Variants in TENM4 observed in about 807,000 individuals in gnomAD.
The protein encoded by TENM4 is teneurin transmembrane protein 4, also known as teneurin-4.
Under a neutral mutation model 243.3 loss-of-function variants are expected in TENM4, and 82 were observed. That is an observed-to-expected ratio of 0.34 (90% CI 0.28 to 0.40). The LOEUF (loss-of-function observed/expected upper bound fraction) is 0.40, where lower values mean the gene tolerates loss of function less well. Ranked by LOEUF, TENM4 falls within the 10% of genes least tolerant of loss-of-function variation. The pLI is 1.00. For synonymous variants in TENM4, 1,412 were observed against 1,456.3 expected (o/e 0.97, Z 0.69); for missense variants, 3,138 against 3,673.3 (o/e 0.85, Z 3.77).
At chr11:79,173,750 C>G (rs1031218639) in intron 3 of TENM4, among the ~76,000 whole-genome samples, 1 of 152,164 alleles carries the variant, frequency 6.6e-6, no homozygotes, top group Non-Finnish European at 1.5e-5. Context: ...GTATAGCAAT[C>G]TGGGACTCGA....
At chr11:79,217,477 C>A (rs1473654616) in intron 2 of TENM4, among the ~76,000 whole-genome samples, 1 of 152,096 alleles carries the variant, frequency 6.6e-6, no homozygotes. Context: ...GATCTAGGAT[C>A]CTAGCTTAAA....
At chr11:79,365,888 G>A (rs1451360968) in intron 1 of TENM4, among the ~76,000 whole-genome samples, 1 of 152,142 alleles carries the variant, frequency 6.6e-6, no homozygotes, top group East Asian at 1.9e-4. Context: ...GGTGGGGTAA[G>A]GCATTAGGAG....
chr11:78,835,922 G>C (rs552762325), intron 12 of TENM4, among the ~76,000 whole-genome samples: 7 of 152,346 alleles, frequency 4.6e-5, no homozygotes, highest in Admixed American at 3.9e-4. Context: ...CCTGACCAGA[G>C]TGCAAGGCAT....
chr11:78,836,423 G>C (rs757969160), intron 12 of TENM4, among the ~76,000 whole-genome samples: 2 of 152,172 alleles, frequency 1.3e-5, no homozygotes, highest in Non-Finnish European at 2.9e-5. Flanking sequence ...TCAGTTTGCT[G>C]TGTCTACTAA....
chr11:79,213,690 G>A (rs1863994451), intron 3 of TENM4, among the ~76,000 whole-genome samples: 1 of 152,204 alleles, frequency 6.6e-6, no homozygotes, highest in South Asian at 2.1e-4. Context: ...CGGTGAGAGA[G>A]GGGTTGAAGA....
rs1424492157 is a variant in TENM4, at chr11:79,210,787, C to A, written c.-163+5021G>T. ...TTCCTCCTCCTTTTTCTCATTTCCCCCTCTCTTCTAGATAACGGGCATTAC... is the reference window on the plus strand; with the variant it reads ...TTCCTCCTCCTTTTTCTCATTTCCCACTCTCTTCTAGATAACGGGCATTAC... On this transcript the variant is annotated intron_variant, in intron 3 of 33. Coordinates refer to ENST00000278550, the MANE Select transcript of TENM4 (RefSeq NM_001098816.3). 2.0e-5 allele frequency among the ~76,000 whole-genome samples: 3 copies of A among 152,128 alleles called. No individual in the cohort carries two copies. In the East Asian group the frequency reaches 5.8e-4, roughly 29 times the overall value.
chr11:79,229,768 G>A (rs1418072874), intron 2 of TENM4, among the ~76,000 whole-genome samples: 2 of 152,168 alleles, frequency 1.3e-5, no homozygotes, highest in African/African-American at 4.8e-5. Flanking sequence ...TTGACACACA[G>A]CAGGCACTCA....
intron 3 of TENM4, among the ~76,000 whole-genome samples, chr11:79,201,864 T>C (rs1277029238): frequency 6.6e-6 from 1 of 152,018 alleles, no homozygotes; most frequent in Admixed American, 6.6e-5. Context: ...CATCAAGAGG[T>C]GCTAGGCTAG....
intron 6 of TENM4, among the ~76,000 whole-genome samples, chr11:79,052,586 T>C (rs1324878918): frequency 6.6e-6 from 1 of 152,076 alleles, no homozygotes; most frequent in Non-Finnish European, 1.5e-5. Flanking sequence ...TATTGACAGG[T>C]AGAGTTTATG....
chr11:78,965,564 A>C (rs1214712301), intron 6 of TENM4, among the ~76,000 whole-genome samples: 1 of 152,202 alleles, frequency 6.6e-6, no homozygotes, highest in African/African-American at 2.4e-5. Context: ...TTCCTGAGTA[A>C]ATCTGTCAAG....
At chr11:78,801,562 A>T (rs973132213) in intron 15 of TENM4, among the ~76,000 whole-genome samples, 1 of 152,142 alleles carries the variant, frequency 6.6e-6, no homozygotes, top group Non-Finnish European at 1.5e-5. Context: ...GTGCTGAGGA[A>T]CTTGTCAGCT....
chr11:79,332,002 G>A (rs1171364422), intron 1 of TENM4, among the ~76,000 whole-genome samples: 1 of 152,238 alleles, frequency 6.6e-6, no homozygotes, highest in Non-Finnish European at 1.5e-5. Context: ...TGCATTACAA[G>A]AGGATGCTTT....
intron 12 of TENM4, among the ~76,000 whole-genome samples, chr11:78,844,247 C>G (rs185143563): frequency 2.6e-5 from 4 of 152,264 alleles, no homozygotes; most frequent in Admixed American, 2.6e-4. Context: ...AGCCTAACCC[C>G]CAATGTGACT....
chr11:78,807,394 CA>C (rs1591038562), intron 14 of TENM4, among the ~76,000 whole-genome samples: 1 of 152,206 alleles, frequency 6.6e-6, no homozygotes, highest in Non-Finnish European at 1.5e-5. Flanking sequence ...ATATTTCTAT[CA>C]GGGGCTGACT....
intron 2 of TENM4, among the ~76,000 whole-genome samples, chr11:79,249,764 ACT>A (rs1377696828): frequency 2.6e-5 from 4 of 152,066 alleles, no homozygotes; most frequent in Non-Finnish European, 5.9e-5. Context: ...TTATCTAACA[ACT>A]CTCTGCTGGT....
At position 78,676,265 on chromosome 11, in the gene TENM4, C is replaced by A. The variant is rs201960718; in HGVS notation, c.5383G>T (p.Val1795Leu). ...GGCAGCGTGACATTCCTCTTGCCCA[C>A]GGTGGGGTTGACGGTGCCAGCCAGC... ...HLLAGTVNPT[V>L]GKRNVTLPID... Residue 1795 changes from valine to leucine, a missense_variant, in exon 30 of 34, where the codon GTG becomes TTG. Val to Leu is a conservative substitution (Grantham distance 32, BLOSUM62 1). Coordinates refer to ENST00000278550, the MANE Select transcript of TENM4 (RefSeq NM_001098816.3). The A allele has an allele frequency of 1.0e-4, 164 of 1,612,624 alleles. 1 individual carries two copies. In the African/African-American group the frequency reaches 1.9e-3, roughly 18 times the overall value.
intron 1 of TENM4, among the ~76,000 whole-genome samples, chr11:79,375,069 A>G (rs1359984836): frequency 1.3e-5 from 2 of 152,220 alleles, no homozygotes; most frequent in African/African-American, 4.8e-5. Context: ...CCAGCCCATA[A>G]TAAGGATTAT....
chr11:79,145,155 A>G (rs571242051), intron 4 of TENM4, among the ~76,000 whole-genome samples: 2 of 152,250 alleles, frequency 1.3e-5, no homozygotes, highest in African/African-American at 2.4e-5. Flanking sequence ...TTAGAGGGAC[A>G]TGTAACTGAA....
intron 3 of TENM4, among the ~76,000 whole-genome samples, chr11:79,200,273 C>G (rs1863713069): frequency 6.6e-6 from 1 of 152,234 alleles, no homozygotes; most frequent in Non-Finnish European, 1.5e-5. Context: ...CAGAAGGACC[C>G]AGAGGCAGGG....
Sources: allele counts gnomAD v4.1 joint callset (sites outside exome capture counted in the v4.1 genomes callset), GRCh38; gene constraint gnomAD v4.1.1; transcripts MANE v1.5; gene names NCBI Gene and HGNC (gene_info 2026-07-23, HGNC 2026-07-21).